CDH12: variants seen among roughly 807,000 people sequenced by gnomAD.
The protein encoded by CDH12 is cadherin-12.
In CDH12, 41 loss-of-function variants were observed where a neutral mutation model predicts 74.1. The observed-to-expected ratio is 0.55, with a 90% CI of 0.43 to 0.72. The LOEUF (loss-of-function observed/expected upper bound fraction) is 0.72, where lower values mean the gene tolerates loss of function less well. Ranked by LOEUF, CDH12 falls within the 30% of genes least tolerant of loss-of-function variation. CDH12 has a pLI of 0.00. For synonymous variants in CDH12, 399 were observed against 355.0 expected, an observed-to-expected ratio of 1.12 and a Z score of -1.39; for missense variants, 945 against 977.2, an observed-to-expected ratio of 0.97 and a Z score of 0.44.
chr5:22,471,675 G>C (rs964618707), intron 2 of CDH12, among the ~76,000 whole-genome samples: 1 of 152,130 alleles, frequency 6.6e-6, no homozygotes, highest in Non-Finnish European at 1.5e-5. Flanking sequence ...GTTAGGGTCT[G>C]TTCAAGGTTA....
intron 3 of CDH12, among the ~76,000 whole-genome samples, chr5:22,341,844 A>T (rs536897843): frequency 6.6e-6 from 1 of 152,176 alleles, no homozygotes; most frequent in Non-Finnish European, 1.5e-5. Flanking sequence ...CATTCCTAGA[A>T]ATTTTTCTTC....
At chr5:22,783,274 T>A (rs1021434787) in intron 1 of CDH12, among the ~76,000 whole-genome samples, 4 of 151,484 alleles carry the variant, frequency 2.6e-5, no homozygotes, top group African/African-American at 9.8e-5. Flanking sequence ...AGATCCACTT[T>A]GTTTATAAAT....
rs16894444 is a variant in CDH12 at position 22,352,824 on chromosome 5, G to A, written c.-333+52433C>T. ...AAAATATTTATTTAGAAACTGTTGAGTTAGTCTATCTAGCATAAGAACTAG... is the reference window on the plus strand; with the variant it reads ...AAAATATTTATTTAGAAACTGTTGAATTAGTCTATCTAGCATAAGAACTAG... On this transcript the variant is annotated intron_variant, in intron 3 of 14. Coordinates refer to ENST00000382254, the MANE Select transcript of CDH12 (RefSeq NM_004061.5). Among the ~76,000 whole-genome samples, 315 of 152,264 alleles carry A rather than the reference G, an allele frequency of 2.1e-3. 1 individual carries two copies. In the Middle Eastern group the frequency reaches 0.031, roughly 15 times the overall value.
intron 1 of CDH12, among the ~76,000 whole-genome samples, chr5:22,555,286 T>C (rs999841356): frequency 2.0e-5 from 3 of 152,064 alleles, no homozygotes; most frequent in African/African-American, 4.8e-5. Flanking sequence ...AGAAAAGCCA[T>C]GAATTTTCTT....
At chr5:22,099,309 C>A (rs368919601) in intron 4 of CDH12, among the ~76,000 whole-genome samples, 86 of 152,232 alleles carry the variant, frequency 5.6e-4, no homozygotes, top group African/African-American at 1.9e-3. Context: ...TTCAGTGGAA[C>A]CTTCATATCC....
intron 5 of CDH12, among the ~76,000 whole-genome samples, chr5:22,050,174 C>T (rs1740262295): frequency 6.6e-6 from 1 of 151,954 alleles, no homozygotes; most frequent in African/African-American, 2.4e-5. Context: ...TATGTAGTAT[C>T]TCTACTTTTT....
At chr5:22,402,840 CACA>C (rs1742785319) in intron 3 of CDH12, among the ~76,000 whole-genome samples, 1 of 152,110 alleles carries the variant, frequency 6.6e-6, no homozygotes, top group Non-Finnish European at 1.5e-5. Context: ...TTCAGAAATG[CACA>C]ACCTTTTTCT....
In CDH12 at chr5:22,369,883, C is replaced by G. The variant is rs2920765; in HGVS notation, c.-333+35374G>C. Among the ~76,000 whole-genome samples the G allele has an allele frequency of 9.8e-3, 1,486 of 152,222 alleles. 27 individuals are homozygous for G. Among genetic ancestry groups the G allele is most frequent in the African/African-American group, 0.034 (1,433 of 41,556 alleles). ...GAAAGAAAAATAGTGAATAAATTAACTGAAAATTTGTGATCAATCACATTT... is the reference window on the plus strand; with the variant it reads ...GAAAGAAAAATAGTGAATAAATTAAGTGAAAATTTGTGATCAATCACATTT... On this transcript the variant is annotated intron_variant, in intron 3 of 14. Transcript: ENST00000382254.
chr5:22,094,326 G>A (rs1208320979), intron 4 of CDH12, among the ~76,000 whole-genome samples: 1 of 152,174 alleles, frequency 6.6e-6, no homozygotes, highest in Non-Finnish European at 1.5e-5. Context: ...CTCTTGGGTT[G>A]CAGAAATAGA....
chr5:22,144,203 T>C (rs1677334831), intron 4 of CDH12: 1 of 152,202 alleles, frequency 6.6e-6, no homozygotes, highest in African/African-American at 2.4e-5. Flanking sequence ...AAGTTGTTCT[T>C]TTCTTAATTT....
intron 9 of CDH12, among the ~76,000 whole-genome samples, chr5:21,816,152 T>G (rs1281805448): frequency 1.3e-5 from 2 of 152,138 alleles, no homozygotes; most frequent in Non-Finnish European, 2.9e-5. Context: ...CTGCCATCCC[T>G]GACACAGCAA....
intron 4 of CDH12, among the ~76,000 whole-genome samples, chr5:22,211,962 G>T (rs1751571471): frequency 6.6e-6 from 1 of 151,680 alleles, no homozygotes; most frequent in South Asian, 2.1e-4. Flanking sequence ...CTTAATACTT[G>T]CATCAGAAAC....
chr5:22,478,940 T>A (rs997795624), intron 2 of CDH12, among the ~76,000 whole-genome samples: 1 of 152,226 alleles, frequency 6.6e-6, no homozygotes, highest in South Asian at 2.1e-4. Flanking sequence ...TCAAAGAGAA[T>A]GATGCTCTAA....
intron 6 of CDH12, among the ~76,000 whole-genome samples, chr5:21,963,123 A>C (rs1192800453): frequency 6.8e-6 from 1 of 147,910 alleles, no homozygotes; most frequent in Non-Finnish European, 1.5e-5. Flanking sequence ...AGATAGATAG[A>C]TAGAGAGATG....
At chr5:21,779,583 T>C (rs533099476) in intron 11 of CDH12, 2 of 152,350 alleles carry the variant, frequency 1.3e-5, no homozygotes, top group South Asian at 4.1e-4. Context: ...ATAGCAACAC[T>C]GATTAATGAC....
At chr5:22,647,447 T>G (rs1293143332) in intron 1 of CDH12, among the ~76,000 whole-genome samples, 1 of 151,798 alleles carries the variant, frequency 6.6e-6, no homozygotes, top group African/African-American at 2.4e-5. Flanking sequence ...AATTTATTTC[T>G]CATGTTTCTG....
intron 11 of CDH12, among the ~76,000 whole-genome samples, chr5:21,769,281 T>G (rs1434824079): frequency 1.3e-5 from 2 of 152,064 alleles, no homozygotes; most frequent in Middle Eastern, 3.2e-3. Flanking sequence ...ATATAAATTT[T>G]TAAATGGTAT....
intron 1 of CDH12, among the ~76,000 whole-genome samples, chr5:22,830,467 T>A (rs1305472257): frequency 6.6e-6 from 1 of 151,938 alleles, no homozygotes; most frequent in Admixed American, 6.6e-5. Context: ...ATTTTTTAAA[T>A]GATGATATTC....
chr5:22,715,032 A>G (rs1175936617), intron 1 of CDH12, among the ~76,000 whole-genome samples: 1 of 152,192 alleles, frequency 6.6e-6, no homozygotes, highest in Non-Finnish European at 1.5e-5. Context: ...GTAAAGTACA[A>G]GTATGTTTCT....
Sources: gnomAD v4.1 joint callset for allele counts (sites outside exome capture counted in the v4.1 genomes callset) on GRCh38, gnomAD v4.1.1 for gene constraint, MANE v1.5 for transcripts, NCBI Gene and HGNC (gene_info 2026-07-23, HGNC 2026-07-21) for gene names.